R3HDM2: variants seen among roughly 807,000 people sequenced by gnomAD.
R3HDM2 encodes the protein R3H domain containing 2.
Under a neutral mutation model 124.5 loss-of-function variants are expected in R3HDM2, and 38 were observed. The ratio of observed to expected loss-of-function variants is 0.31; its 90% CI spans 0.24 to 0.40. The LOEUF (loss-of-function observed/expected upper bound fraction) is 0.40, where lower values mean the gene tolerates loss of function less well. Ranked by LOEUF, R3HDM2 falls within the 10% of genes least tolerant of loss-of-function variation. The pLI is 1.00. For synonymous variants in R3HDM2, 391 were observed against 448.0 expected, an observed-to-expected ratio of 0.87 and a Z score of 1.61; for missense variants, 869 against 1,236.9, an observed-to-expected ratio of 0.70 and a Z score of 4.46.
chr12:57,271,798 C>T (rs140615388), intron 14 of R3HDM2, among the ~76,000 whole-genome samples: 3 of 152,182 alleles, frequency 2.0e-5, no homozygotes, highest in Non-Finnish European at 4.4e-5. Context: ...GCATGTGCTA[C>T]GCAATGGATG....
intron 2 of R3HDM2, among the ~76,000 whole-genome samples, chr12:57,395,348 T>TA (rs1382611649): frequency 7.1e-6 from 1 of 141,188 alleles, no homozygotes; most frequent in Non-Finnish European, 1.6e-5. Context: ...CTATTAAAAA[T>TA]ACAAAACTAG....
intron 2 of R3HDM2, among the ~76,000 whole-genome samples, chr12:57,374,317 CA>C (rs201730269): frequency 6.6e-6 from 1 of 150,854 alleles, no homozygotes. Context: ...GAGACCATCT[CA>C]AAAAAAAGTA....
intron 13 of R3HDM2, among the ~76,000 whole-genome samples, chr12:57,281,643 G>A (rs2046169120): frequency 1.3e-5 from 2 of 151,862 alleles, no homozygotes; most frequent in African/African-American, 4.8e-5. Context: ...CCACCACCAC[G>A]CCCAACTAAT....
chr12:57,365,681 A>T (rs907368085), intron 2 of R3HDM2, among the ~76,000 whole-genome samples: 41 of 152,216 alleles, frequency 2.7e-4, no homozygotes, highest in Middle Eastern at 3.2e-3. Context: ...TATGCCTGTA[A>T]TCCCAGCACT....
At chr12:57,259,246 G>T (rs1402212811) in intron 19 of R3HDM2, among the ~76,000 whole-genome samples, 187 bp from the exon 20 acceptor site, 1 of 152,248 alleles carries the variant, frequency 6.6e-6, no homozygotes, top group African/African-American at 2.4e-5. Flanking sequence ...ACCAGTAGAA[G>T]TTTGAGTGGA....
intron 2 of R3HDM2, among the ~76,000 whole-genome samples, chr12:57,348,442 C>T (rs2060271154): frequency 6.6e-6 from 1 of 151,920 alleles, no homozygotes; most frequent in Admixed American, 6.6e-5. Context: ...GCCTGTAAAC[C>T]CAGCACTTTG....
intron 2 of R3HDM2, among the ~76,000 whole-genome samples, chr12:57,348,719 AAAGAG>A (rs1330039035): frequency 0.032 from 424 of 13,366 alleles, 43 homozygotes; most frequent in Middle Eastern, 0.071. Context: ...AAAAAAAAAA[AAAGAG>A]AGAGAAAAAT....
intron 2 of R3HDM2, among the ~76,000 whole-genome samples, chr12:57,368,884 C>T (rs1309757341): frequency 6.6e-6 from 1 of 152,028 alleles, no homozygotes; most frequent in Non-Finnish European, 1.5e-5. Flanking sequence ...TCTGCAGTTC[C>T]AAAAGTGGGG....
intron 2 of R3HDM2, among the ~76,000 whole-genome samples, chr12:57,335,729 C>G (rs1480741132): frequency 6.6e-6 from 1 of 150,998 alleles, no homozygotes; most frequent in African/African-American, 2.4e-5. Context: ...CCTTGAACTC[C>G]TGGCCTCACA....
intron 6 of R3HDM2, among the ~76,000 whole-genome samples, chr12:57,298,558 CCTTTT>C (rs1336386194): frequency 3.9e-5 from 6 of 151,970 alleles, no homozygotes; most frequent in Non-Finnish European, 8.8e-5. Context: ...ATCCTGTTTG[CCTTTT>C]CTTATCAATT....
intron 14 of R3HDM2, 33 bp from the exon 15 acceptor site, chr12:57,270,027 C>A (rs1431209504): frequency 1.2e-6 from 2 of 1,610,674 alleles, no homozygotes; most frequent in Non-Finnish European, 1.7e-6. Flanking sequence ...AGGATTGGGG[C>A]TGTATCAAAC....
chr12:57,391,122 A>T (rs2066620301), intron 2 of R3HDM2, among the ~76,000 whole-genome samples: 1 of 152,216 alleles, frequency 6.6e-6, no homozygotes, highest in South Asian at 2.1e-4. Context: ...ATAATTATAC[A>T]AAAATCTGGA....
At position 57,296,642 on chromosome 12, in the gene R3HDM2, A is replaced by G; in HGVS notation, c.561-91T>C. On this transcript the variant is annotated intron_variant, in intron 8 of 23. Coordinates refer to ENST00000402412, the MANE Select transcript of R3HDM2 (RefSeq NM_001394031.1). This position sits in a 1 kb window ranked among gnomAD's most constrained non-coding sequence, Gnocchi z 4.5. ...TTTTTCTTACAAGTGTCTAAAGTGG[A>G]AAGTTTCTTAGGAGAAATAGACATA... is the stretch of plus-strand genomic sequence containing the variant. 7.5e-7 allele frequency: 1 copy of G among 1,330,182 alleles called. No homozygotes were observed. The highest frequency in any genetic ancestry group is 1.0e-6 in the Non-Finnish European group (1 of 971,668). 82.4% of individuals were successfully genotyped at this position (1,330,182 alleles called of 1,614,324 possible).
intron 2 of R3HDM2, among the ~76,000 whole-genome samples, chr12:57,325,698 C>T (rs1267241275): frequency 1.4e-5 from 2 of 144,674 alleles, no homozygotes; most frequent in African/African-American, 5.2e-5. Flanking sequence ...GCATGCACTA[C>T]TATCCTTAGC....
intron 1 of R3HDM2, among the ~76,000 whole-genome samples, chr12:57,402,524 T>G (rs1271439703): frequency 1.3e-4 from 19 of 151,866 alleles, no homozygotes. Context: ...TTTAGTAGAG[T>G]TGGAGTTTCA....
At position 57,283,867 on chromosome 12, in the gene R3HDM2, G is replaced by A. The variant is rs1019155374; in HGVS notation, c.1128C>T (p.Ile376=). Residue 376 remains isoleucine, a synonymous_variant, in exon 13 of 24, where the codon ATC becomes ATT. Coordinates refer to ENST00000402412, the MANE Select transcript of R3HDM2 (RefSeq NM_001394031.1). ...GISILTRGDS[I]GSSKGGSAGR... is the part of the protein sequence containing the mutation. ...CCGCACTGCCGCCTTTACTGCTGCC[G>A]ATGCTGTCACCTCGGGTAAGGATAG... The A allele has an allele frequency of 5.6e-6, 9 of 1,614,106 alleles. No individual in the cohort carries two copies. The highest frequency in any genetic ancestry group is 4.0e-5 in the African/African-American group (3 of 74,924).
At chr12:57,343,932 T>C (rs115500975) in intron 2 of R3HDM2, among the ~76,000 whole-genome samples, 1,748 of 152,292 alleles carry the variant, frequency 0.011, 30 homozygotes, top group African/African-American at 0.04. Flanking sequence ...AGCAGATGAA[T>C]GACATGTTTT....
At chr12:57,349,379 C>CA (rs1161831845) in intron 2 of R3HDM2, among the ~76,000 whole-genome samples, 3,268 of 57,450 alleles carry the variant, frequency 0.057, 422 homozygotes, top group Non-Finnish European at 0.068. Context: ...ACTCCGTCTC[C>CA]AAAAAAAAAA....
intron 2 of R3HDM2, among the ~76,000 whole-genome samples, chr12:57,358,019 C>T (rs2061487409): frequency 6.6e-6 from 1 of 151,186 alleles, no homozygotes; most frequent in Non-Finnish European, 1.5e-5. Flanking sequence ...CTCTCTGTCA[C>T]CCAGGCTGGA....
Sources: allele counts gnomAD v4.1 joint callset (sites outside exome capture counted in the v4.1 genomes callset), GRCh38; gene constraint gnomAD v4.1.1; non-coding constraint Gnocchi (gnomAD v3.1); transcripts MANE v1.5; gene names NCBI Gene and HGNC (gene_info 2026-07-23, HGNC 2026-07-21).